The following MAP3K5 variants were observed in gnomAD, a reference collection of about 807,000 sequenced individuals.
The protein encoded by MAP3K5 is ASK-1.
Under a neutral mutation model 158.7 loss-of-function variants are expected in MAP3K5, and 56 were observed. That is an observed-to-expected ratio of 0.35 (90% CI 0.28 to 0.44). MAP3K5 has a LOEUF of 0.44. Among genes scored for constraint, MAP3K5 ranks in the 20% least tolerant of loss-of-function variants. MAP3K5 has a pLI of 1.00. For synonymous variants in MAP3K5, 579 were observed against 601.7 expected, an observed-to-expected ratio of 0.96 and a Z score of 0.55; for missense variants, 1,294 against 1,674.8, an observed-to-expected ratio of 0.77 and a Z score of 3.97.
At chr6:136,716,534 G>A (rs1041394333) in intron 2 of MAP3K5, among the ~76,000 whole-genome samples, 12 of 149,858 alleles carry the variant, frequency 8.0e-5, no homozygotes, top group Non-Finnish European at 1.6e-4. Context: ...GATAAGAGAT[G>A]GTTCATTAAA....
chr6:136,578,483 C>G (rs1774719521), intron 25 of MAP3K5, among the ~76,000 whole-genome samples: 1 of 152,032 alleles, frequency 6.6e-6, no homozygotes, highest in Non-Finnish European at 1.5e-5. Flanking sequence ...AAACTAGAAA[C>G]AAAAGTAGTT....
chr6:136,638,166 A>G (rs1303722569), intron 13 of MAP3K5, among the ~76,000 whole-genome samples: 4 of 152,234 alleles, frequency 2.6e-5, no homozygotes, highest in Non-Finnish European at 2.9e-5. Context: ...AAATAGCACA[A>G]TGAATGAGAG....
At chr6:136,737,071 T>TGTGTG (rs1554308055) in intron 1 of MAP3K5, among the ~76,000 whole-genome samples, 1 of 118,280 alleles carries the variant, frequency 8.5e-6, no homozygotes, top group African/African-American at 4.3e-5. Flanking sequence ...TTAGATGTGA[T>TGTGTG]TATATAAATG....
intron 23 of MAP3K5, among the ~76,000 whole-genome samples, chr6:136,591,757 T>C (rs183300247): frequency 5.1e-4 from 77 of 152,362 alleles, no homozygotes; most frequent in Admixed American, 1.4e-3. Context: ...TTCTGTTGTA[T>C]TTGCTGATGT....
intron 14 of MAP3K5, among the ~76,000 whole-genome samples, chr6:136,629,762 C>T: frequency 7.6e-6 from 1 of 132,070 alleles, no homozygotes; most frequent in Non-Finnish European, 1.6e-5. Flanking sequence ...CCATATCTCA[C>T]CTTCATTTAT....
intron 20 of MAP3K5, 76 bp downstream of exon 20, chr6:136,601,726 T>G: frequency 7.2e-7 from 1 of 1,380,714 alleles, no homozygotes; most frequent in South Asian, 1.3e-5. Context: ...GTTAGTTTAC[T>G]TCCGGAAAAT....
Position 136,705,145 on chromosome 6 carries a change from GAA to G in MAP3K5, c.589-14_589-13del. 1 of 1,149,996 alleles carries G rather than the reference GAA, an allele frequency of 8.7e-7. No homozygotes were observed. Among genetic ancestry groups the G allele is most frequent in the Non-Finnish European group, 1.2e-6 (1 of 809,972 alleles). The allele number at this position is 1,149,996 out of a possible 1,614,324, so 71.2% of individuals were successfully genotyped here. A position where few individuals can be genotyped will look rare whatever the true frequency, so the allele number is the denominator to read the frequency against. ...TGGCAAATTATTTCCTGAAAAACAA[GAA>G]AAAAAATATACCACAAGTTAATACA... On this transcript the variant is annotated splice_polypyrimidine_tract_variant and intron_variant, in intron 2 of 29. Coordinates refer to ENST00000359015, the MANE Select transcript of MAP3K5 (RefSeq NM_005923.4).
In MAP3K5 at chr6:136,749,757, C is replaced by T. The variant is rs570510796; in HGVS notation, c.449-29168G>A. 2.6e-5 allele frequency among the ~76,000 whole-genome samples: 4 copies of T among 152,244 alleles called. No individual in the cohort carries two copies. The South Asian group carries it at 8.3e-4, about 32-fold the overall frequency. ...AATTCATCTGATGTCTATAAGCCCACATGGACGTCGACTGAAAGACTGAGG... is the reference window on the plus strand; with the variant it reads ...AATTCATCTGATGTCTATAAGCCCATATGGACGTCGACTGAAAGACTGAGG... On this transcript the variant is annotated intron_variant, in intron 1 of 29. Transcript: ENST00000359015.
chr6:136,726,289 T>G (rs1457082095), intron 1 of MAP3K5, among the ~76,000 whole-genome samples: 1 of 152,208 alleles, frequency 6.6e-6, no homozygotes, highest in East Asian at 1.9e-4. Context: ...ACTGACATCT[T>G]AACAATATTG....
intron 14 of MAP3K5, among the ~76,000 whole-genome samples, chr6:136,626,749 T>C (rs879464288): frequency 6.6e-6 from 1 of 152,014 alleles, no homozygotes; most frequent in Non-Finnish European, 1.5e-5. Context: ...CCACCACCAT[T>C]TTACACTACA....
At chr6:136,712,840 T>C (rs1781367947) in intron 2 of MAP3K5, among the ~76,000 whole-genome samples, 1 of 152,172 alleles carries the variant, frequency 6.6e-6, no homozygotes, top group Admixed American at 6.6e-5. Flanking sequence ...TATAAGGGGT[T>C]TCCCCTTCCA....
chr6:136,684,739 G>A (rs1009267143), intron 7 of MAP3K5, among the ~76,000 whole-genome samples: 1 of 152,098 alleles, frequency 6.6e-6, no homozygotes, highest in Non-Finnish European at 1.5e-5. Context: ...CATGTGACGG[G>A]CACCACTGCT....
At chr6:136,574,095 T>A (rs981581149) in intron 25 of MAP3K5, among the ~76,000 whole-genome samples, 1 of 152,126 alleles carries the variant, frequency 6.6e-6, no homozygotes, top group Admixed American at 6.5e-5. Flanking sequence ...CATACCTGGC[T>A]AATATTTGTA....
intron 1 of MAP3K5, among the ~76,000 whole-genome samples, chr6:136,791,425 A>G (rs962919754): frequency 1.3e-5 from 2 of 152,078 alleles, no homozygotes; most frequent in Non-Finnish European, 2.9e-5. Context: ...AATATCTCAC[A>G]CTGCTGGAGA....
intron 10 of MAP3K5, 65 bp downstream of exon 10, chr6:136,656,242 C>G: frequency 6.8e-7 from 1 of 1,466,322 alleles, no homozygotes; most frequent in African/African-American, 1.4e-5. Flanking sequence ...AGCACTGATA[C>G]AATCACAGTA....
intron 25 of MAP3K5, among the ~76,000 whole-genome samples, chr6:136,575,109 T>C (rs1411926950): frequency 6.6e-6 from 1 of 151,986 alleles, no homozygotes; most frequent in Non-Finnish European, 1.5e-5. Flanking sequence ...TAACAGTTTA[T>C]ATACCTTTGG....
chr6:136,707,045 C>T (rs1162980071), intron 2 of MAP3K5, among the ~76,000 whole-genome samples: 1 of 152,074 alleles, frequency 6.6e-6, no homozygotes, highest in Non-Finnish European at 1.5e-5. Flanking sequence ...GACCAAGCTA[C>T]TTGGAAGGCT....
In MAP3K5 at chr6:136,580,314, G is replaced by T; in HGVS notation, c.3504C>A (p.Thr1168=). 6.2e-7 allele frequency: 1 copy of T among 1,610,084 alleles called. No homozygotes were observed. Among genetic ancestry groups the T allele is most frequent in the South Asian group, 1.1e-5 (1 of 90,964 alleles). The change falls in exon 25 of 30, where the codon ACC becomes ACA. Residue 1168 remains threonine, a synonymous_variant. Transcript: ENST00000359015. ...AATATCTCTGACCTGGAACCAGGAT[G>T]GTAATGGCTGTCTGTACCGCCTTCC... The part of the protein sequence containing the change: ...IIRKAVQTAI[T]ILVPELRPHF...
intron 10 of MAP3K5, among the ~76,000 whole-genome samples, chr6:136,652,583 G>A (rs1778567176): frequency 6.6e-6 from 1 of 152,134 alleles, no homozygotes; most frequent in South Asian, 2.1e-4. Flanking sequence ...AGAATAAAAG[G>A]TGGGTTTCCC....
Sources: allele counts gnomAD v4.1 joint callset (sites outside exome capture counted in the v4.1 genomes callset), GRCh38; gene constraint gnomAD v4.1.1; transcripts MANE v1.5; gene names NCBI Gene and HGNC (gene_info 2026-07-23, HGNC 2026-07-21).